The following SYT16 variants were observed in gnomAD, a reference collection of about 807,000 sequenced individuals.
The protein encoded by SYT16 is synaptotagmin 16.
Under a neutral mutation model 61.4 loss-of-function variants are expected in SYT16, and 42 were observed. The observed-to-expected ratio is 0.68, with a 90% CI of 0.53 to 0.89. SYT16 has a LOEUF of 0.89. SYT16 is among the 40% of genes least tolerant of loss of function. The pLI is 0.00. For missense variants in SYT16, 804 were observed against 807.3 expected, an observed-to-expected ratio of 1.00 and a Z score of 0.05; for synonymous variants, 314 against 302.3, an observed-to-expected ratio of 1.04 and a Z score of -0.40.
intron 2 of SYT16, among the ~76,000 whole-genome samples, chr14:61,971,409 G>A (rs570077002): frequency 2.0e-5 from 3 of 152,222 alleles, no homozygotes; most frequent in African/African-American, 4.8e-5. Context: ...GGACTGTGGT[G>A]TCAGAGTCCC....
chr14:61,812,274 C>T (rs1225109296), upstream of SYT16: 2 of 152,432 alleles, frequency 1.3e-5, no homozygotes, highest in African/African-American at 4.8e-5. Context: ...TAGCTCTTCT[C>T]CCGCTTTGCT....
intron 1 of SYT16, among the ~76,000 whole-genome samples, chr14:61,930,870 T>C (rs1339211502): frequency 2.0e-5 from 3 of 152,124 alleles, no homozygotes; most frequent in Admixed American, 1.3e-4. Context: ...GAGCCACTTG[T>C]AGAGGCAGGA....
At chr14:62,084,071 C>A in intron 6 of SYT16, 125 bp from the exon 7 acceptor site, 1 of 1,154,584 alleles carries the variant, frequency 8.7e-7, no homozygotes, top group Non-Finnish European at 1.2e-6. Flanking sequence ...GCCGAGTGCG[C>A]CCTTAGTCAT....
chr14:62,001,752 C>T (rs1438639544), intron 3 of SYT16, among the ~76,000 whole-genome samples: 2 of 152,036 alleles, frequency 1.3e-5, no homozygotes, highest in Non-Finnish European at 2.9e-5. Flanking sequence ...TCCCACAGCT[C>T]TCAGATATTT....
intron 1 of SYT16, among the ~76,000 whole-genome samples, chr14:61,935,348 G>A (rs537413282): frequency 6.6e-6 from 1 of 152,260 alleles, no homozygotes; most frequent in East Asian, 1.9e-4. Context: ...TGTCTTATTT[G>A]TTCCCTTTTC....
At chr14:62,078,155 C>CTATATATATATATA (rs374965535) in intron 5 of SYT16, among the ~76,000 whole-genome samples, 159 of 135,980 alleles carry the variant, frequency 1.2e-3, no homozygotes, top group African/African-American at 4.4e-3. Context: ...CTCTCTCTCT[C>CTATATATATATATA]TATATATATA....
intron 2 of SYT16, among the ~76,000 whole-genome samples, chr14:61,976,346 TAC>T (rs2051799861): frequency 6.6e-6 from 1 of 152,142 alleles, no homozygotes; most frequent in Non-Finnish European, 1.5e-5. Context: ...GCCCTCTCCT[TAC>T]AGATTATTAA....
At chr14:61,962,413 A>G (rs1247618642) in intron 1 of SYT16, among the ~76,000 whole-genome samples, 1 of 151,968 alleles carries the variant, frequency 6.6e-6, no homozygotes, top group Non-Finnish European at 1.5e-5. Flanking sequence ...TGAATGTGAC[A>G]TGTGGCTTTT....
At chr14:62,053,910 G>A (rs2055422810) in intron 3 of SYT16, among the ~76,000 whole-genome samples, 2 of 152,128 alleles carry the variant, frequency 1.3e-5, no homozygotes, top group Admixed American at 6.5e-5. Context: ...GGAACCCCAT[G>A]AAACTTTAAT....
At chr14:61,834,961 A>T (rs2046077337) in intron 1 of SYT16, among the ~76,000 whole-genome samples, 1 of 152,224 alleles carries the variant, frequency 6.6e-6, no homozygotes, top group South Asian at 2.1e-4. Context: ...TTGTTTCCAA[A>T]GCACTTGTTT....
intron 2 of SYT16, among the ~76,000 whole-genome samples, chr14:61,977,232 G>T (rs2051849576): frequency 6.6e-6 from 1 of 152,066 alleles, no homozygotes; most frequent in African/African-American, 2.4e-5. Flanking sequence ...TCCAATCTTT[G>T]CCTGTTACCC....
chr14:61,813,804 ATT>A (rs570260110), intron 1 of SYT16, among the ~76,000 whole-genome samples: 1,985 of 130,416 alleles, frequency 0.015, 40 homozygotes, highest in African/African-American at 0.045. Flanking sequence ...TTTGGAAGGT[ATT>A]TTTTTTTTTT....
chr14:61,827,779 A>G (rs1484866689), intron 1 of SYT16, among the ~76,000 whole-genome samples: 2 of 152,158 alleles, frequency 1.3e-5, no homozygotes, highest in Non-Finnish European at 2.9e-5. Context: ...CTGTCTACTT[A>G]GAATCAATAT....
chr14:61,905,958 C>T (rs1480884286), intron 1 of SYT16, among the ~76,000 whole-genome samples: 11 of 151,922 alleles, frequency 7.2e-5, no homozygotes, highest in Admixed American at 1.3e-4. Context: ...GGTTTCACCA[C>T]GTTGGCCAGG....
chr14:62,047,377 G>A (rs2055040662), intron 3 of SYT16, among the ~76,000 whole-genome samples: 1 of 152,126 alleles, frequency 6.6e-6, no homozygotes, highest in Non-Finnish European at 1.5e-5. Context: ...ATTTTGGGCT[G>A]AGACAATGGG....
intron 2 of SYT16, among the ~76,000 whole-genome samples, chr14:61,987,122 A>G (rs1595087493): frequency 1.3e-5 from 2 of 152,258 alleles, no homozygotes; most frequent in African/African-American, 4.8e-5. Context: ...CGGGGGGAAA[A>G]CATTCTGAAA....
intron 1 of SYT16, among the ~76,000 whole-genome samples, chr14:61,911,613 A>C (rs1303775685): frequency 1.1e-4 from 16 of 152,252 alleles, no homozygotes; most frequent in Admixed American, 1.0e-3. Flanking sequence ...GCTGAACACC[A>C]CAGCAGCTTA....
At chr14:61,879,648 C>T (rs1398980355) in intron 1 of SYT16, among the ~76,000 whole-genome samples, 1 of 152,192 alleles carries the variant, frequency 6.6e-6, no homozygotes, top group Non-Finnish European at 1.5e-5. Flanking sequence ...AGTGTTATCA[C>T]CCCACAGACC....
intron 3 of SYT16, among the ~76,000 whole-genome samples, chr14:62,020,012 G>GT (rs1198249568): frequency 1.3e-5 from 2 of 152,116 alleles, no homozygotes; most frequent in African/African-American, 2.4e-5. Context: ...ATCCTTTCAG[G>GT]TTTTTTTCTA....
Sources: allele counts gnomAD v4.1 joint callset (sites outside exome capture counted in the v4.1 genomes callset), GRCh38; gene constraint gnomAD v4.1.1; transcripts MANE v1.5; gene names NCBI Gene and HGNC (gene_info 2026-07-23, HGNC 2026-07-21).